CLDN10: variants seen among roughly 807,000 people sequenced by gnomAD.
CLDN10 encodes claudin-10.
In CLDN10, 15 loss-of-function variants were observed where a neutral mutation model predicts 22.9. That is an observed-to-expected ratio of 0.65 (90% CI 0.44 to 1.01). CLDN10 has a LOEUF of 1.01. CLDN10 is among the 50% of genes least tolerant of loss of function. The pLI is 0.00. For missense variants in CLDN10, 247 were observed against 287.8 expected, an observed-to-expected ratio of 0.86 and a Z score of 1.03; for synonymous variants, 114 against 111.4, an observed-to-expected ratio of 1.02 and a Z score of -0.15.
At chr13:95,500,407 G>A (rs776402605) in intron 1 of CLDN10, among the ~76,000 whole-genome samples, 20 of 152,202 alleles carry the variant, frequency 1.3e-4, no homozygotes, top group Admixed American at 2.0e-4. Context: ...AGGAGAGTGC[G>A]CCTGGCAGAG....
At chr13:95,546,105 G>A (rs924059941) in intron 1 of CLDN10, among the ~76,000 whole-genome samples, 2 of 152,148 alleles carry the variant, frequency 1.3e-5, no homozygotes, top group African/African-American at 4.8e-5. Context: ...AGGAAACTAG[G>A]TACCCTGTTC....
At chr13:95,434,334 CA>C (rs1296767431) in intron 1 of CLDN10, among the ~76,000 whole-genome samples, 2 of 151,994 alleles carry the variant, frequency 1.3e-5, no homozygotes, top group Non-Finnish European at 2.9e-5. Flanking sequence ...AAGTCAGTTT[CA>C]ATTTGCCTTG....
At chr13:95,560,081 C>G in intron 1 of CLDN10, 51 bp from the exon 2 acceptor site, 1 of 1,507,534 alleles carries the variant, frequency 6.6e-7, no homozygotes, top group Non-Finnish European at 9.0e-7. Flanking sequence ...AGGATTTCTC[C>G]CTGGACAGCC....
Position 95,484,761 on chromosome 13 carries a change from G to A in CLDN10, c.214+50714G>A, listed in dbSNP as rs1056990712. Among the ~76,000 whole-genome samples, 19 of 151,166 alleles carry A rather than the reference G, an allele frequency of 1.3e-4. 1 individual carries two copies. Among genetic ancestry groups the A allele is most frequent in the African/African-American group, 4.6e-4 (19 of 41,238 alleles). On this transcript the variant is annotated intron_variant, in intron 1 of 4. Coordinates refer to the CLDN10 transcript ENST00000376873. ...AGCACCTGTAGTTCCAGCTACTCGGGAGGCTGAGGCACAAGAATCGCTTGG... is the reference window on the plus strand; with the variant it reads ...AGCACCTGTAGTTCCAGCTACTCGGAAGGCTGAGGCACAAGAATCGCTTGG...
At chr13:95,566,098 G>A (rs568556932) in intron 3 of CLDN10, among the ~76,000 whole-genome samples, 2 of 152,164 alleles carry the variant, frequency 1.3e-5, no homozygotes, top group African/African-American at 4.8e-5. Context: ...ATGTGCATGT[G>A]TCTTTATAGT....
chr13:95,553,207 C>A (rs1001328047), intron 1 of CLDN10, among the ~76,000 whole-genome samples: 1 of 152,172 alleles, frequency 6.6e-6, no homozygotes, highest in Admixed American at 6.5e-5. Context: ...AGGGGGGACA[C>A]GCAGACAGGC....
At chr13:95,458,664 C>T (rs1044947135) in intron 1 of CLDN10, among the ~76,000 whole-genome samples, 1 of 152,166 alleles carries the variant, frequency 6.6e-6, no homozygotes, top group Admixed American at 6.5e-5. Context: ...CCTTGACACA[C>T]AGGGATTATG....
At chr13:95,475,367 G>A (rs572828964) in intron 1 of CLDN10, among the ~76,000 whole-genome samples, 1 of 152,312 alleles carries the variant, frequency 6.6e-6, no homozygotes, top group Admixed American at 6.5e-5. Context: ...GCCTCCTGGG[G>A]ACCTGGGCAG....
intron 1 of CLDN10, among the ~76,000 whole-genome samples, chr13:95,460,643 C>T (rs753548996): frequency 1.6e-4 from 24 of 152,072 alleles, no homozygotes; most frequent in Admixed American, 7.2e-4. Flanking sequence ...GAAGATTTTA[C>T]GAGGATTATG....
At chr13:95,526,844 G>A (rs1445423781) in intron 1 of CLDN10, among the ~76,000 whole-genome samples, 1 of 151,832 alleles carries the variant, frequency 6.6e-6, no homozygotes, top group African/African-American at 2.4e-5. Context: ...GGAAAGGAGA[G>A]CTGTCTTAGC....
At chr13:95,537,048 C>A (rs1243126532) in intron 1 of CLDN10, among the ~76,000 whole-genome samples, 1 of 152,132 alleles carries the variant, frequency 6.6e-6, no homozygotes, top group Non-Finnish European at 1.5e-5. Flanking sequence ...AGAGCTAAGG[C>A]TTGCTGAAGT....
intron 1 of CLDN10, among the ~76,000 whole-genome samples, chr13:95,437,909 G>T (rs2042287591): frequency 6.6e-6 from 1 of 152,180 alleles, no homozygotes; most frequent in Non-Finnish European, 1.5e-5. Context: ...GTTCCTTCAG[G>T]TATCTTTCAA....
At chr13:95,520,773 G>C (rs948643896) in intron 1 of CLDN10, among the ~76,000 whole-genome samples, 1 of 152,118 alleles carries the variant, frequency 6.6e-6, no homozygotes, top group East Asian at 1.9e-4. Context: ...ATGAGGTCAG[G>C]AGACCAAGAC....
chr13:95,477,682 C>T (rs1344912630), intron 1 of CLDN10, among the ~76,000 whole-genome samples: 3 of 152,184 alleles, frequency 2.0e-5, no homozygotes, highest in Admixed American at 6.5e-5. Flanking sequence ...GTCCTGCCAA[C>T]CCTACTGTGG....
chr13:95,535,498 C>T (rs1033325721), intron 1 of CLDN10, among the ~76,000 whole-genome samples: 2 of 149,572 alleles, frequency 1.3e-5, no homozygotes, highest in Non-Finnish European at 3.0e-5. Context: ...TCATAACTTG[C>T]TTGGCAGACT....
intron 1 of CLDN10, among the ~76,000 whole-genome samples, chr13:95,438,605 C>T (rs2042294460): frequency 6.6e-6 from 1 of 152,206 alleles, no homozygotes; most frequent in Admixed American, 6.5e-5. Flanking sequence ...TGGCTGTCTG[C>T]AGCAGTGTGA....
intron 3 of CLDN10, among the ~76,000 whole-genome samples, chr13:95,570,514 A>T (rs1413674002): frequency 6.6e-6 from 1 of 152,200 alleles, no homozygotes; most frequent in Non-Finnish European, 1.5e-5. Context: ...TTCAAGAATT[A>T]GTACTTCTGT....
At chr13:95,446,903 T>C (rs950850907) in intron 1 of CLDN10, among the ~76,000 whole-genome samples, 7 of 152,100 alleles carry the variant, frequency 4.6e-5, no homozygotes, top group Admixed American at 2.0e-4. Flanking sequence ...CTCTAATTGA[T>C]ATCTGGAAGG....
chr13:95,547,046 C>CTTTT (rs34873593), intron 1 of CLDN10, among the ~76,000 whole-genome samples: 2 of 131,310 alleles, frequency 1.5e-5, no homozygotes, highest in Admixed American at 7.9e-5. Context: ...GGCTGGCTAA[C>CTTTT]TTTTTTTTTT....
Sources: allele counts gnomAD v4.1 joint callset (sites outside exome capture counted in the v4.1 genomes callset), GRCh38; gene constraint gnomAD v4.1.1; transcripts MANE v1.5; gene names NCBI Gene and HGNC (gene_info 2026-07-23, HGNC 2026-07-21).